ESR1: variants seen among roughly 807,000 people sequenced by gnomAD.
ESR1 encodes the protein estrogen receptor.
ESR1 carries 12 observed loss-of-function variants against 52.7 expected under a neutral mutation model. That is an observed-to-expected ratio of 0.23 (90% CI 0.15 to 0.37). ESR1 has a LOEUF of 0.37. ESR1 is among the 10% of genes least tolerant of loss of function. The pLI is 1.00. For missense variants in ESR1, 584 were observed against 779.7 expected, an observed-to-expected ratio of 0.75 and a Z score of 2.99; for synonymous variants, 305 against 316.8, an observed-to-expected ratio of 0.96 and a Z score of 0.39.
At position 152,100,165 on chromosome 6, in the gene ESR1, C is replaced by G. The variant is rs955372839; in HGVS notation, c.*1199C>G. 1.3e-5 allele frequency: 5 copies of G among 398,264 alleles called. No individual in the cohort carries two copies. Among genetic ancestry groups the G allele is most frequent in the African/African-American group, 8.2e-5 (4 of 48,630 alleles). The allele number at this position is 398,264 out of a possible 1,614,324, so 24.7% of individuals were successfully genotyped here. A position where few individuals can be genotyped will look rare whatever the true frequency, so the allele number is the denominator to read the frequency against. On this transcript the variant is annotated 3_prime_UTR_variant, in exon 8 of 8. Coordinates refer to ENST00000206249, the MANE Select transcript of ESR1 (RefSeq NM_000125.4). ...TGCCCTTTGGGGGTGCCCTGGGATCCCTGGGGTAGTCCAGCTCTTCTTCAT... is the reference window on the plus strand; with the variant it reads ...TGCCCTTTGGGGGTGCCCTGGGATCGCTGGGGTAGTCCAGCTCTTCTTCAT...
intron 2 of ESR1, among the ~76,000 whole-genome samples, chr6:151,708,190 T>C (rs150938424): frequency 3.9e-5 from 6 of 152,280 alleles, no homozygotes; most frequent in Non-Finnish European, 8.8e-5. Flanking sequence ...TGTGTGTGTA[T>C]TACTCTGAAT....
chr6:151,986,684 C>A (rs750628362), intron 4 of ESR1, among the ~76,000 whole-genome samples: 1 of 152,072 alleles, frequency 6.6e-6, no homozygotes, highest in Non-Finnish European at 1.5e-5. Context: ...CTGCCATATT[C>A]TCTTCTGTGT....
upstream of ESR1, among the ~76,000 whole-genome samples, chr6:151,689,339 C>T (rs1425029425): frequency 6.6e-6 from 1 of 152,138 alleles, no homozygotes; most frequent in African/African-American, 2.4e-5. Flanking sequence ...ACAGAACCCC[C>T]ACAATGCGTT....
intron 5 of ESR1, among the ~76,000 whole-genome samples, chr6:152,012,220 C>A (rs570886552): frequency 6.6e-6 from 1 of 152,142 alleles, no homozygotes; most frequent in South Asian, 2.1e-4. Flanking sequence ...TTTTCCCATC[C>A]GTAAAATGAA....
At chr6:151,808,464 G>C (rs1207589820) in intron 1 of ESR1, 100 bp downstream of exon 1, 17 of 1,108,516 alleles carry the variant, frequency 1.5e-5, no homozygotes, top group Non-Finnish European at 1.9e-5. Context: ...TGCGGGAGCC[G>C]CGGGACGCGC....
At chr6:151,817,390 G>A (rs986047603) in intron 1 of ESR1, among the ~76,000 whole-genome samples, 2 of 152,194 alleles carry the variant, frequency 1.3e-5, no homozygotes, top group African/African-American at 4.8e-5. Context: ...TGGAGACATG[G>A]AGGGAAGTGA....
intron 5 of ESR1, among the ~76,000 whole-genome samples, chr6:152,035,871 A>C (rs576850367): frequency 2.6e-5 from 4 of 152,316 alleles, no homozygotes; most frequent in East Asian, 3.9e-4. Flanking sequence ...AGAAAAAAAA[A>C]CTTAATCCTT....
At chr6:152,069,511 G>C (rs1238927515) in intron 6 of ESR1, among the ~76,000 whole-genome samples, 5 of 136,636 alleles carry the variant, frequency 3.7e-5, no homozygotes, top group Non-Finnish European at 7.5e-5. Flanking sequence ...GTGAGCTATT[G>C]CAGCGGTCCC....
At position 151,941,855 on chromosome 6, in the gene ESR1, A is replaced by G. The variant is rs138888833; in HGVS notation, c.761-2318A>G. On this transcript the variant is annotated intron_variant, in intron 3 of 7. Transcript: ENST00000206249. ...TGCTTCTATTTTAGCCTTTGGGCTC[A>G]TAAAGAACAAGTTGAACCCGTCTTA... 2.4e-4 allele frequency among the ~76,000 whole-genome samples: 36 copies of G among 152,352 alleles called. No individual in the cohort carries two copies. In the East Asian group the frequency reaches 6.5e-3, roughly 28 times the overall value.
intron 6 of ESR1, among the ~76,000 whole-genome samples, chr6:152,115,483 C>T (rs996522220): frequency 6.6e-6 from 1 of 151,866 alleles, no homozygotes; most frequent in Non-Finnish European, 1.5e-5. Flanking sequence ...GATTATAGAC[C>T]TACTAGAAGA....
chr6:151,783,416 C>T, intron 2 of ESR1, among the ~76,000 whole-genome samples: 1 of 152,314 alleles, frequency 6.6e-6, no homozygotes, highest in South Asian at 2.1e-4. Flanking sequence ...GAATCTGTCA[C>T]TGCTACAGGC....
At chr6:151,976,571 A>G (rs1429682922) in intron 4 of ESR1, among the ~76,000 whole-genome samples, 1 of 152,132 alleles carries the variant, frequency 6.6e-6, no homozygotes, top group Non-Finnish European at 1.5e-5. Flanking sequence ...AATATTTCTT[A>G]TGACATTTCA....
At chr6:151,689,807 A>G (rs1301879198), upstream of ESR1, among the ~76,000 whole-genome samples, 1 of 152,188 alleles carries the variant, frequency 6.6e-6, no homozygotes, top group Non-Finnish European at 1.5e-5. Flanking sequence ...TAAAGTACCT[A>G]CTGCATAAAC....
At chr6:151,974,221 A>G (rs79578306) in intron 4 of ESR1, among the ~76,000 whole-genome samples, 4,314 of 152,338 alleles carry the variant, frequency 0.028, 108 homozygotes, top group East Asian at 0.11. Flanking sequence ...AACTGATGAC[A>G]CAATGATCTA....
intron 2 of ESR1, among the ~76,000 whole-genome samples, chr6:151,774,199 C>T (rs1785761204): frequency 6.6e-6 from 1 of 152,180 alleles, no homozygotes; most frequent in African/African-American, 2.4e-5. Flanking sequence ...AAGGTACTGG[C>T]AACCAAAGAT....
At chr6:152,057,485 G>A (rs1220715232) in intron 5 of ESR1, among the ~76,000 whole-genome samples, 1 of 152,126 alleles carries the variant, frequency 6.6e-6, no homozygotes, top group Non-Finnish European at 1.5e-5. Flanking sequence ...ACTTCTTGTA[G>A]CCTCTAAACA....
chr6:151,670,993 C>G (rs1298072720), intron 1 of ESR1, among the ~76,000 whole-genome samples: 5 of 152,008 alleles, frequency 3.3e-5, no homozygotes, highest in African/African-American at 1.2e-4. Context: ...GTCTCGAACT[C>G]CTGGCCCCAA....
At chr6:152,012,569 A>G (rs1270035927) in intron 5 of ESR1, among the ~76,000 whole-genome samples, 1 of 152,172 alleles carries the variant, frequency 6.6e-6, no homozygotes, top group Non-Finnish European at 1.5e-5. Context: ...TACTTGCAAA[A>G]AGAGGAAAGC....
chr6:152,058,250 T>C (rs531564258), intron 5 of ESR1, among the ~76,000 whole-genome samples: 2 of 152,224 alleles, frequency 1.3e-5, no homozygotes, highest in South Asian at 2.1e-4. Flanking sequence ...AAAAACCCAC[T>C]TCTAGTATGT....
Sources: allele counts gnomAD v4.1 joint callset (sites outside exome capture counted in the v4.1 genomes callset), GRCh38; gene constraint gnomAD v4.1.1; transcripts MANE v1.5; gene names NCBI Gene and HGNC (gene_info 2026-07-23, HGNC 2026-07-21).